ALDH3B1: variants seen among roughly 807,000 people sequenced by gnomAD.
The protein encoded by ALDH3B1 is aldehyde dehydrogenase family 3 member B1.
Under a neutral mutation model 46.2 loss-of-function variants are expected in ALDH3B1, and 37 were observed. The ratio of observed to expected loss-of-function variants is 0.80; its 90% CI spans 0.62 to 1.05. The LOEUF (loss-of-function observed/expected upper bound fraction) is 1.05, where lower values mean the gene tolerates loss of function less well. Among genes scored for constraint, ALDH3B1 ranks in the 50% least tolerant of loss-of-function variants. ALDH3B1 has a pLI of 0.00. For synonymous variants in ALDH3B1, 283 were observed against 281.0 expected (o/e 1.01, Z -0.07); for missense variants, 603 against 665.5 (o/e 0.91, Z 1.03).
chr11:68,020,088 C>T (rs1292322506), intron 6 of ALDH3B1, among the ~76,000 whole-genome samples: 1 of 152,212 alleles, frequency 6.6e-6, no homozygotes, highest in African/African-American at 2.4e-5. Context: ...AGACACCACC[C>T]TACTGGTGCC....
At position 68,019,655 on chromosome 11, in the gene ALDH3B1, G is replaced by A. The variant is rs1248819882; in HGVS notation, c.481-60G>A. 4.6e-5 allele frequency: 72 copies of A among 1,576,430 alleles called. 1 individual carries two copies. The highest frequency in any genetic ancestry group is 3.7e-4 in the Middle Eastern group (2 of 5,400). On this transcript the variant is annotated intron_variant, in intron 5 of 9. Transcript: ENST00000342456. Reference sequence around the variant, plus strand: ...GGGCAGGGTCCAGGCAGGGCGGGCTGCTCCCTTGTGTTCTCGGAGCTGGGG... The same window carrying A: ...GGGCAGGGTCCAGGCAGGGCGGGCTACTCCCTTGTGTTCTCGGAGCTGGGG...
chr11:68,020,084 C>A (rs1857454567), intron 6 of ALDH3B1, among the ~76,000 whole-genome samples: 1 of 152,172 alleles, frequency 6.6e-6, no homozygotes, highest in Admixed American at 6.5e-5. Context: ...TCTTAGACAC[C>A]ACCCTACTGG....
chr11:68,026,441 T>G (rs1455919494), intron 9 of ALDH3B1, among the ~76,000 whole-genome samples: 1 of 152,202 alleles, frequency 6.6e-6, no homozygotes, highest in African/African-American at 2.4e-5. Context: ...CCCAACAGCA[T>G]GACCTGGTGT....
At chr11:68,018,952 C>A (rs1857421121) in intron 4 of ALDH3B1, 59 bp downstream of exon 4, 5 of 1,520,458 alleles carry the variant, frequency 3.3e-6, no homozygotes, top group Middle Eastern at 1.8e-4. Context: ...TCAGGGCCAC[C>A]CATGGATCCC....
At chr11:68,026,587 C>A (rs1034988719) in intron 9 of ALDH3B1, among the ~76,000 whole-genome samples, 17 of 152,140 alleles carry the variant, frequency 1.1e-4, no homozygotes, top group African/African-American at 1.4e-4. Flanking sequence ...CTCCACCCCC[C>A]AGAGCAGCCC....
intron 1 of ALDH3B1, among the ~76,000 whole-genome samples, chr11:68,013,351 G>A (rs1406263283): frequency 3.3e-5 from 5 of 152,176 alleles, no homozygotes; most frequent in Non-Finnish European, 7.3e-5. Flanking sequence ...CCCCCACAGA[G>A]CTCCCGGCCC....
rs1014702900 is a variant in ALDH3B1 at position 68,028,745 on chromosome 11, G to A, written c.*806G>A. The A allele has an allele frequency of 6.6e-6, 1 of 151,896 alleles. No individual in the cohort carries two copies. Among genetic ancestry groups the A allele is most frequent in the African/African-American group, 2.4e-5 (1 of 41,320 alleles). The allele number at this position is 151,896 out of a possible 1,614,324, so 9.4% of individuals were successfully genotyped here. A position where few individuals can be genotyped will look rare whatever the true frequency, so the allele number is the denominator to read the frequency against. On this transcript the variant is annotated 3_prime_UTR_variant, in exon 10 of 10. Transcript: ENST00000342456. ...GAAATGAAGGATTGAGGGATTGAGGGATTGCTGAGCTGGAGCTCCAGGTGT... is the reference window on the plus strand; with the variant it reads ...GAAATGAAGGATTGAGGGATTGAGGAATTGCTGAGCTGGAGCTCCAGGTGT...
intron 2 of ALDH3B1, chr11:68,016,808 C>G (rs3751084): frequency 1.3e-5 from 2 of 152,356 alleles, no homozygotes; most frequent in African/African-American, 4.8e-5. Flanking sequence ...TGCCACCGGC[C>G]GCCTGCCGGC....
In ALDH3B1 at chr11:68,028,058, C is replaced by A; in HGVS notation, c.*119C>A. On this transcript the variant is annotated 3_prime_UTR_variant, in exon 10 of 10. Transcript: ENST00000342456. Reference sequence around the variant, plus strand: ...AGGATTGCCAAGGCTCCAGGGCACCCCTCAAAGCAGCGCCTGCCTCCTCCC... The same window carrying A: ...AGGATTGCCAAGGCTCCAGGGCACCACTCAAAGCAGCGCCTGCCTCCTCCC... 7.4e-7 allele frequency: 1 copy of A among 1,353,694 alleles called. No individual in the cohort carries two copies. Among genetic ancestry groups the A allele is most frequent in the Non-Finnish European group, 1.0e-6 (1 of 957,940 alleles). 83.9% of individuals were successfully genotyped at this position (1,353,694 alleles called of 1,614,324 possible).
chr11:68,015,620 T>A (rs1349414457), intron 2 of ALDH3B1, 161 bp downstream of exon 2: 2 of 927,416 alleles, frequency 2.2e-6, no homozygotes, highest in Admixed American at 2.0e-5. Flanking sequence ...ATCCAGTCAC[T>A]TATTTCTGTA....
chr11:68,023,464 C>T (rs1415844017), intron 8 of ALDH3B1, among the ~76,000 whole-genome samples: 3 of 151,902 alleles, frequency 2.0e-5, no homozygotes, highest in Admixed American at 6.6e-5. Flanking sequence ...CCACTATGCC[C>T]GGCTAATTCT....
At chr11:68,008,948 C>G (rs1429559645), upstream of ALDH3B1, among the ~76,000 whole-genome samples, 5 of 152,210 alleles carry the variant, frequency 3.3e-5, no homozygotes, top group Admixed American at 3.3e-4. Context: ...CCGGGGCGGG[C>G]TGGGGGCAGG....
chr11:68,022,788 G>A (rs2134396681), intron 8 of ALDH3B1, 27 bp downstream of exon 8: 1 of 1,612,822 alleles, frequency 6.2e-7, no homozygotes, highest in South Asian at 1.1e-5. Context: ...GCTGGGCAGG[G>A]TCAGGAGCCC....
intron 1 of ALDH3B1, among the ~76,000 whole-genome samples, chr11:68,011,177 G>A (rs1014332595): frequency 7.9e-5 from 12 of 152,214 alleles, no homozygotes; most frequent in African/African-American, 2.9e-4. Context: ...AATCCGGACA[G>A]CCTCCATTCT....
Position 68,018,762 on chromosome 11 carries a change from T to C in ALDH3B1, c.274-11T>C, listed in dbSNP as rs1277826655. 2.6e-6 allele frequency: 4 copies of C among 1,551,496 alleles called. No homozygotes were observed. The highest frequency in any genetic ancestry group is 3.5e-6 in the Non-Finnish European group (4 of 1,147,422). On this transcript the variant is annotated splice_polypyrimidine_tract_variant and intron_variant, in intron 3 of 9. Transcript: ENST00000342456. ...CTGAGCACTTAATTTCATCCCCGGC[T>C]CCCGGCCCAGGCCACGCAGCTGGAC...
intron 1 of ALDH3B1, among the ~76,000 whole-genome samples, chr11:68,012,512 C>T (rs536098092): frequency 6.6e-6 from 1 of 152,328 alleles, no homozygotes; most frequent in Non-Finnish European, 1.5e-5. Context: ...GGGGCCACGC[C>T]CCAGAGACCC....
chr11:68,015,081 T>A, intron 1 of ALDH3B1: 1 of 508,912 alleles, frequency 2.0e-6, no homozygotes, highest in South Asian at 3.4e-5. Context: ...TTCATGTGTG[T>A]CTGGGAGTGC....
intron 1 of ALDH3B1, among the ~76,000 whole-genome samples, chr11:68,014,548 G>C (rs371429681): frequency 6.6e-6 from 1 of 152,146 alleles, no homozygotes; most frequent in East Asian, 1.9e-4. Context: ...CACCAGCACG[G>C]AGGCAGGAAC....
Position 68,025,996 on chromosome 11 carries a change from T to A in ALDH3B1, c.1117-13T>A, listed in dbSNP as rs1207316240. On this transcript the variant is annotated splice_polypyrimidine_tract_variant and intron_variant, in intron 8 of 9. Transcript: ENST00000342456. The stretch of plus-strand genomic sequence containing the variant: ...GCTCAAGGCAGCCTCACGCACATCC[T>A]GTTCTCTCCCAGGTGGTCAAGCGGG... 6 of 1,577,594 alleles carry A rather than the reference T, an allele frequency of 3.8e-6. No individual in the cohort carries two copies. Among genetic ancestry groups the A allele is most frequent in the African/African-American group, 1.4e-5 (1 of 73,972 alleles).
Sources: allele counts gnomAD v4.1 joint callset (sites outside exome capture counted in the v4.1 genomes callset), GRCh38; gene constraint gnomAD v4.1.1; transcripts MANE v1.5; gene names NCBI Gene and HGNC (gene_info 2026-07-23, HGNC 2026-07-21).